ZNF804A: variants seen among roughly 807,000 people sequenced by gnomAD.
ZNF804A encodes the protein zinc finger protein 804A.
ZNF804A carries 2 observed loss-of-function variants against 16.5 expected under a neutral mutation model. The ratio of observed to expected loss-of-function variants is 0.12; its 90% CI spans 0.05 to 0.38. The LOEUF is 0.38. Among genes scored for constraint, ZNF804A ranks in the 10% least tolerant of loss-of-function variants. The pLI is 0.99. For synonymous variants in ZNF804A, 534 were observed against 489.6 expected (o/e 1.09, Z -1.20); for missense variants, 1,473 against 1,390.7 (o/e 1.06, Z -0.94).
intron 1 of ZNF804A, among the ~76,000 whole-genome samples, chr2:184,807,687 C>CT (rs998844762): frequency 1.5e-4 from 23 of 151,536 alleles, no homozygotes; most frequent in South Asian, 4.2e-4. Context: ...CCCATAGAGT[C>CT]TTTTTTTTCC....
Position 184,835,676 on chromosome 2 carries a change from A to AAAAC in ZNF804A, c.112-30693_112-30692insAAAC, listed in dbSNP as rs143296995. ...CTCAGGAAGGCATGAAAAAAAAAAA[A>AAAAC]CAGAAAAAAGATGAAAAAGAGGTGA... On this transcript the variant is annotated intron_variant, in intron 1 of 3. Coordinates refer to ENST00000302277, the MANE Select transcript of ZNF804A (RefSeq NM_194250.2). Among the ~76,000 whole-genome samples the AAAAC allele has an allele frequency of 2.4e-3, 364 of 151,004 alleles. 3 individuals carry two copies. The highest frequency in any genetic ancestry group is 8.3e-3 in the African/African-American group (338 of 40,742).
At chr2:184,622,615 C>A (rs1312361687) in intron 1 of ZNF804A, among the ~76,000 whole-genome samples, 1 of 151,676 alleles carries the variant, frequency 6.6e-6, no homozygotes, top group East Asian at 1.9e-4. Flanking sequence ...AGCTTTTTGT[C>A]GATTTCAATA....
chr2:184,627,889 A>G (rs979906851), intron 1 of ZNF804A, among the ~76,000 whole-genome samples: 3 of 152,164 alleles, frequency 2.0e-5, no homozygotes, highest in Admixed American at 6.5e-5. Context: ...TCAACTTCCT[A>G]GGAAAGTTTA....
intron 1 of ZNF804A, among the ~76,000 whole-genome samples, chr2:184,644,643 G>A (rs975633295): frequency 1.1e-4 from 16 of 151,386 alleles, no homozygotes; most frequent in African/African-American, 3.6e-4. Flanking sequence ...TTCTTTGTTC[G>A]TTCTTAAACT....
chr2:184,651,672 C>T (rs1160208488), intron 1 of ZNF804A, among the ~76,000 whole-genome samples: 2 of 151,800 alleles, frequency 1.3e-5, no homozygotes, highest in Non-Finnish European at 2.9e-5. Flanking sequence ...ATACAAGTGG[C>T]CAACAAACAT....
At chr2:184,898,616 A>G (rs1685127262) in intron 2 of ZNF804A, among the ~76,000 whole-genome samples, 1 of 152,042 alleles carries the variant, frequency 6.6e-6, no homozygotes, top group Admixed American at 6.6e-5. Context: ...GGAAAAACTC[A>G]CTTTGTTTAT....
chr2:184,762,458 G>T (rs1276717202), intron 1 of ZNF804A, among the ~76,000 whole-genome samples: 1 of 151,778 alleles, frequency 6.6e-6, no homozygotes, highest in Non-Finnish European at 1.5e-5. Flanking sequence ...TGAGAATCTT[G>T]AAACTAAAAT....
intron 1 of ZNF804A, among the ~76,000 whole-genome samples, chr2:184,601,636 C>A (rs1429610092): frequency 1.3e-5 from 2 of 151,674 alleles, no homozygotes; most frequent in African/African-American, 4.8e-5. Flanking sequence ...GATATCTTTC[C>A]AACTTTATAT....
intron 1 of ZNF804A, among the ~76,000 whole-genome samples, chr2:184,673,654 T>C (rs1159474565): frequency 6.6e-6 from 1 of 152,226 alleles, no homozygotes; most frequent in Non-Finnish European, 1.5e-5. Flanking sequence ...TGACAATCTA[T>C]TAAGTATTGC....
chr2:184,653,713 G>C (rs1692027076), intron 1 of ZNF804A, among the ~76,000 whole-genome samples: 1 of 152,182 alleles, frequency 6.6e-6, no homozygotes, highest in African/African-American at 2.4e-5. Context: ...AGCATGCACA[G>C]TGCATTTACA....
At chr2:184,881,935 A>G (rs1217972849) in intron 2 of ZNF804A, among the ~76,000 whole-genome samples, 1 of 152,138 alleles carries the variant, frequency 6.6e-6, no homozygotes, top group African/African-American at 2.4e-5. Context: ...AAATCTTCAC[A>G]TATCAATACT....
chr2:184,599,196 G>C (rs1405038232), intron 1 of ZNF804A, 126 bp downstream of exon 1: 1 of 755,572 alleles, frequency 1.3e-6, no homozygotes, highest in Admixed American at 2.3e-5. Flanking sequence ...TGGTGGGCGT[G>C]GGGTGAGAAT....
chr2:184,923,839 T>C (rs879209180), intron 2 of ZNF804A, among the ~76,000 whole-genome samples: 2 of 152,056 alleles, frequency 1.3e-5, no homozygotes, highest in African/African-American at 2.4e-5. Flanking sequence ...CCTGTTGATA[T>C]GATGTATCAC....
chr2:184,828,718 T>C (rs551602179), intron 1 of ZNF804A, among the ~76,000 whole-genome samples: 6 of 151,926 alleles, frequency 3.9e-5, no homozygotes, highest in Admixed American at 1.3e-4. Context: ...CCATTCTACA[T>C]CTCCCCTCTA....
intron 1 of ZNF804A, among the ~76,000 whole-genome samples, chr2:184,811,766 A>T (rs1429582793): frequency 6.6e-6 from 1 of 152,202 alleles, no homozygotes; most frequent in African/African-American, 2.4e-5. Flanking sequence ...ATCAAAATTT[A>T]GTGAAAATGA....
intron 2 of ZNF804A, among the ~76,000 whole-genome samples, chr2:184,896,443 T>C (rs1685071321): frequency 6.6e-6 from 1 of 152,152 alleles, no homozygotes; most frequent in Non-Finnish European, 1.5e-5. Flanking sequence ...CTGCTTCATT[T>C]GTCATAGCTC....
chr2:184,889,089 T>C (rs2105821364), intron 2 of ZNF804A, among the ~76,000 whole-genome samples: 1 of 152,202 alleles, frequency 6.6e-6, no homozygotes, highest in South Asian at 2.1e-4. Context: ...AGCATGTACT[T>C]TAGTTTTTGC....
intron 1 of ZNF804A, among the ~76,000 whole-genome samples, chr2:184,694,547 T>C (rs1364233279): frequency 6.6e-6 from 1 of 152,190 alleles, no homozygotes; most frequent in African/African-American, 2.4e-5. Context: ...TTTTGAAACA[T>C]TTTAAATAAC....
intron 1 of ZNF804A, among the ~76,000 whole-genome samples, chr2:184,788,838 AT>A (rs1389414638): frequency 1.3e-5 from 2 of 151,908 alleles, no homozygotes; most frequent in African/African-American, 4.8e-5. Flanking sequence ...CTTCTATCTG[AT>A]TGTTCTGGCT....
Sources: allele counts gnomAD v4.1 joint callset (sites outside exome capture counted in the v4.1 genomes callset), GRCh38; gene constraint gnomAD v4.1.1; transcripts MANE v1.5; gene names NCBI Gene and HGNC (gene_info 2026-07-23, HGNC 2026-07-21).